The following RBSN variants were observed in gnomAD, a reference collection of about 807,000 sequenced individuals.
The protein encoded by RBSN is rabenosyn-5.
Under a neutral mutation model 60.5 loss-of-function variants are expected in RBSN, and 34 were observed. That is an observed-to-expected ratio of 0.56 (90% CI 0.43 to 0.75). The LOEUF (loss-of-function observed/expected upper bound fraction) is 0.75. Among genes scored for constraint, RBSN ranks in the 30% least tolerant of loss-of-function variants. The probability of loss-of-function intolerance (pLI) is 0.00; values close to 1 mark genes in which losing one functional copy is unlikely to be tolerated. For synonymous variants in RBSN, 322 were observed against 366.9 expected, an observed-to-expected ratio of 0.88 and a Z score of 1.40; for missense variants, 845 against 986.8, an observed-to-expected ratio of 0.86 and a Z score of 1.92.
intron 4 of RBSN, among the ~76,000 whole-genome samples, chr3:15,090,883 T>C (rs1290494961): frequency 6.6e-6 from 1 of 152,176 alleles, no homozygotes; most frequent in Non-Finnish European, 1.5e-5. Context: ...TTTTCTTCTT[T>C]ATCTTAATTG....
intron 10 of RBSN, among the ~76,000 whole-genome samples, chr3:15,079,628 A>G (rs536505643): frequency 1.3e-5 from 2 of 152,362 alleles, no homozygotes; most frequent in East Asian, 3.9e-4. Context: ...GATACATGCA[A>G]CAACATGGAT....
chr3:15,077,329 C>T lies in RBSN; in HGVS notation c.999-165G>A, dbSNP rs956278479. On this transcript the variant is annotated intron_variant, in intron 11 of 13. Coordinates refer to ENST00000253699, the MANE Select transcript of RBSN (RefSeq NM_022340.4). This position sits in a 1 kb window ranked among gnomAD's most constrained non-coding sequence, Gnocchi z 4.4. The stretch of plus-strand genomic sequence containing the variant: ...TTGAAGGCAAAGCCCATTTCTTACC[C>T]TTTGGCTGTACACAGGCCTTAGCAA... 6.6e-6 allele frequency among the ~76,000 whole-genome samples: 1 copy of T among 152,022 alleles called. No homozygotes were observed. Among genetic ancestry groups the T allele is most frequent in the African/African-American group, 2.4e-5 (1 of 41,406 alleles).
chr3:15,076,661 A>C (rs1472708136), intron 12 of RBSN, among the ~76,000 whole-genome samples: 2 of 152,174 alleles, frequency 1.3e-5, no homozygotes, highest in Non-Finnish European at 2.9e-5. Context: ...AGATTATCCT[A>C]AGGAAGAAAT....
At position 15,071,207 on chromosome 3, in the gene RBSN, T is replaced by C. The variant is rs574378974; in HGVS notation, c.*2575A>G. 6.6e-6 allele frequency: 1 copy of C among 152,330 alleles called. No individual in the cohort carries two copies. The highest frequency in any genetic ancestry group is 1.5e-5 in the Non-Finnish European group (1 of 68,032). The allele number at this position is 152,330 out of a possible 1,614,324, so 9.4% of individuals were successfully genotyped here. A position where few individuals can be genotyped will look rare whatever the true frequency, so the allele number is the denominator to read the frequency against. On this transcript the variant is annotated 3_prime_UTR_variant, in exon 14 of 14. Coordinates refer to ENST00000253699, the MANE Select transcript of RBSN (RefSeq NM_022340.4). ...ACTTACAGATTGCTACCTGAGGTGATTTGAGGGAAGGGTATGTTTAGTGAA... is the reference window on the plus strand; with the variant it reads ...ACTTACAGATTGCTACCTGAGGTGACTTGAGGGAAGGGTATGTTTAGTGAA...
rs1168098587 is a variant in RBSN at position 15,074,717 on chromosome 3, T to C, written c.1420A>G (p.Lys474Glu). 1 of 1,614,262 alleles carries C rather than the reference T, an allele frequency of 6.2e-7. No individual in the cohort carries two copies. Among genetic ancestry groups the C allele is most frequent in the East Asian group, 2.2e-5 (1 of 44,888 alleles). The change falls in exon 14 of 14, where the codon AAG (lysine) becomes GAG (glutamate). Residue 474 changes from lysine to glutamate, a missense_variant. Transcript: ENST00000253699. This position sits in a 1 kb window ranked among gnomAD's most constrained non-coding sequence, Gnocchi z 6.4. ...HNITSFIRQA[K>E]AAGRMDEVRT... The stretch of plus-strand genomic sequence containing the variant: ...ACTTCATCCATGCGGCCCGCGGCCT[T>C]GGCCTGCCTGATGAATGATGTGATG...
rs765749482 is a variant in RBSN at position 15,084,810 on chromosome 3, G to A, written c.523C>T (p.Arg175Cys). 12 of 1,614,044 alleles carry A rather than the reference G, an allele frequency of 7.4e-6. No homozygotes were observed. Among genetic ancestry groups the A allele is most frequent in the African/African-American group, 1.3e-5 (1 of 74,912 alleles). Residue 175 changes from arginine (R) to cysteine (C), a missense_variant, in exon 8 of 14, where the codon CGC (arginine) becomes TGC (cysteine). Arg to Cys is a radical substitution (Grantham distance 180). Transcript: ENST00000253699. The surrounding 1 kb of genome is among the most constrained non-coding windows in gnomAD (Gnocchi z 4.2). ...CCGCAGAGGCGGCAGTGGTGGCGGCGGTTCCGGATGCTGAACTTATTCCCA... is the reference window on the plus strand; with the variant it reads ...CCGCAGAGGCGGCAGTGGTGGCGGCAGTTCCGGATGCTGAACTTATTCCCA... ...DCGNKFSIRN[R>C]RHHCRLCGSI...
At position 15,084,993 on chromosome 3, in the gene RBSN, A is replaced by G. The variant is rs1423501688; in HGVS notation, c.436+7T>C. 2.5e-6 allele frequency: 4 copies of G among 1,614,220 alleles called. No homozygotes were observed. Among genetic ancestry groups the G allele is most frequent in the Non-Finnish European group, 3.4e-6 (4 of 1,180,032 alleles). ...TAAGATGAATGTGAGCAAAGTTTTAAAGTTACCTCGAATCTTTGCAGACTC... is the reference window on the plus strand; with the variant it reads ...TAAGATGAATGTGAGCAAAGTTTTAGAGTTACCTCGAATCTTTGCAGACTC... On this transcript the variant is annotated splice_region_variant and intron_variant, in intron 7 of 13. Transcript: ENST00000253699. The surrounding 1 kb of genome is among the most constrained non-coding windows in gnomAD (Gnocchi z 4.2).
rs1165189008 is a variant in RBSN, at chr3:15,084,995, G to A, written c.436+5C>T. On this transcript the variant is annotated splice_donor_5th_base_variant and intron_variant, in intron 7 of 13. Coordinates refer to ENST00000253699, the MANE Select transcript of RBSN (RefSeq NM_022340.4). This position sits in a 1 kb window ranked among gnomAD's most constrained non-coding sequence, Gnocchi z 4.2. ...AGATGAATGTGAGCAAAGTTTTAAA[G>A]TTACCTCGAATCTTTGCAGACTCAG... The A allele has an allele frequency of 6.2e-7, 1 of 1,614,244 alleles. No individual in the cohort carries two copies. Among genetic ancestry groups the A allele is most frequent in the Non-Finnish European group, 8.5e-7 (1 of 1,180,038 alleles).
At chr3:15,079,276 G>T (rs1422039659) in intron 10 of RBSN, among the ~76,000 whole-genome samples, 1 of 152,200 alleles carries the variant, frequency 6.6e-6, no homozygotes, top group Non-Finnish European at 1.5e-5. Context: ...GCAATAACTA[G>T]TGTTGGTAAG....
chr3:15,075,806 C>G, intron 12 of RBSN, 96 bp from the exon 13 acceptor site: 1 of 966,464 alleles, frequency 1.0e-6, no homozygotes, highest in Non-Finnish European at 1.6e-6. Flanking sequence ...CTGAGCCACT[C>G]TGTTCTCAGA....
In RBSN at chr3:15,084,901, G is replaced by T. The variant is rs779697198; in HGVS notation, c.437-5C>A. 21 of 1,613,340 alleles carry T rather than the reference G, an allele frequency of 1.3e-5. No homozygotes were observed. The South Asian group carries it at 2.3e-4, about 18-fold the overall frequency. On this transcript the variant is annotated splice_region_variant and splice_polypyrimidine_tract_variant and intron_variant, in intron 7 of 13. Coordinates refer to ENST00000253699, the MANE Select transcript of RBSN (RefSeq NM_022340.4). The surrounding 1 kb of genome is among the most constrained non-coding windows in gnomAD (Gnocchi z 4.2). ...GCACCACAGACTTTTCTATTGCTTT[G>T]GGAAGAGCAAACCAACAAGAAAGCA...
In RBSN at chr3:15,080,800, T is replaced by C; in HGVS notation, c.843A>G (p.Lys281=). The C allele has an allele frequency of 6.2e-7, 1 of 1,614,094 alleles. No individual in the cohort carries two copies. The highest frequency in any genetic ancestry group is 8.5e-7 in the Non-Finnish European group (1 of 1,179,992). Residue 281 remains lysine, a splice_region_variant and synonymous_variant, in exon 10 of 14, where the codon AAA becomes AAG. Transcript: ENST00000253699. ...HTPDIVKLYE[K]LRLCMEKVDQ... is the part of the protein sequence containing the mutation. ...CAACTTTCTCCATGCAAAGTCGTAA[T>C]TTCTAAGAACAAAAACAAAGAGGTA...
Position 15,080,745 on chromosome 3 carries a change from C to A in RBSN, c.898G>T (p.Ala300Ser). The A allele has an allele frequency of 6.2e-7, 1 of 1,614,028 alleles. No homozygotes were observed. The highest frequency in any genetic ancestry group is 1.1e-5 in the South Asian group (1 of 91,070). ...TGAATAGCTTACTTTAATGATGCTG[C>A]CATCCTGATGTATTCTGGAGCTTTC... ...DQKAPEYIRM[A>S]ASLNAGETTY... Residue 300 changes from alanine to serine, a missense_variant, in exon 10 of 14, where the codon GCA becomes TCA. Coordinates refer to ENST00000253699, the MANE Select transcript of RBSN (RefSeq NM_022340.4).
Position 15,077,017 on chromosome 3 carries a change from G to T in RBSN, c.1101+45C>A. ...CTGCCTCCTGGGAAGCAAAAGAGCA[G>T]GACAGGCCAAGTGCAACATTTATGC... On this transcript the variant is annotated intron_variant, in intron 12 of 13. Transcript: ENST00000253699. This position sits in a 1 kb window ranked among gnomAD's most constrained non-coding sequence, Gnocchi z 4.4. 1 of 1,548,930 alleles carries T rather than the reference G, an allele frequency of 6.5e-7. No homozygotes were observed. Among genetic ancestry groups the T allele is most frequent in the Non-Finnish European group, 8.9e-7 (1 of 1,121,054 alleles).
intron 10 of RBSN, among the ~76,000 whole-genome samples, chr3:15,079,421 A>G (rs2043146158): frequency 6.6e-6 from 1 of 152,220 alleles, no homozygotes; most frequent in Non-Finnish European, 1.5e-5. Flanking sequence ...AAACCCAGCA[A>G]TTCCACTCCT....
chr3:15,081,786 G>A (rs2043210615), intron 9 of RBSN, among the ~76,000 whole-genome samples: 1 of 152,118 alleles, frequency 6.6e-6, no homozygotes, highest in South Asian at 2.1e-4. Flanking sequence ...GGTCTCACCT[G>A]GCCATTAAGG....
chr3:15,075,752 G>T, intron 12 of RBSN, 42 bp from the exon 13 acceptor site: 1 of 1,527,216 alleles, frequency 6.5e-7, no homozygotes, highest in South Asian at 1.1e-5. Context: ...AACCCTTTTA[G>T]AGAAAAAATG....
intron 4 of RBSN, chr3:15,091,399 T>C: frequency 8.1e-7 from 1 of 1,229,590 alleles, no homozygotes; most frequent in Non-Finnish European, 1.0e-6. Context: ...TAGGCTTAAC[T>C]GGACACAGAG....
intron 2 of RBSN, among the ~76,000 whole-genome samples, chr3:15,097,107 GC>G (rs1422466384): frequency 2.0e-5 from 3 of 152,036 alleles, no homozygotes; most frequent in Non-Finnish European, 4.4e-5. Context: ...CAATCCTCCT[GC>G]CTGAGCCCCC....
Sources: allele counts gnomAD v4.1 joint callset (sites outside exome capture counted in the v4.1 genomes callset), GRCh38; gene constraint gnomAD v4.1.1; non-coding constraint Gnocchi (gnomAD v3.1); transcripts MANE v1.5; gene names NCBI Gene and HGNC (gene_info 2026-07-23, HGNC 2026-07-21).